Variants in CEP152 observed in about 807,000 individuals in gnomAD.
CEP152 encodes the protein centrosomal protein of 152 kDa.
CEP152 carries 132 observed loss-of-function variants against 188.9 expected under a neutral mutation model. That is an observed-to-expected ratio of 0.70 (90% confidence interval 0.61 to 0.81). The LOEUF is 0.81. Ranked by LOEUF, CEP152 falls within the 30% of genes least tolerant of loss-of-function variation. CEP152 has a pLI of 0.00. For synonymous variants in CEP152, 649 were observed against 666.6 expected, an observed-to-expected ratio of 0.97 and a Z score of 0.41; for missense variants, 1,914 against 1,969.8, an observed-to-expected ratio of 0.97 and a Z score of 0.54.
chr15:48,753,498 C>T (rs1331734828), intron 20 of CEP152, among the ~76,000 whole-genome samples: 4 of 152,138 alleles, frequency 2.6e-5, no homozygotes, highest in Non-Finnish European at 5.9e-5. Flanking sequence ...AATTGACTGT[C>T]AGAAAACCTA....
At chr15:48,787,371 AT>A (rs926001296) in intron 9 of CEP152, among the ~76,000 whole-genome samples, 7 of 151,654 alleles carry the variant, frequency 4.6e-5, no homozygotes, top group African/African-American at 1.7e-4. Flanking sequence ...AGGATTCACT[AT>A]TTTGCCCAGG....
At chr15:48,792,112 C>T (rs1341923738) in intron 7 of CEP152, among the ~76,000 whole-genome samples, 2 of 152,116 alleles carry the variant, frequency 1.3e-5, no homozygotes, top group African/African-American at 4.8e-5. Flanking sequence ...CCTGCCTCAG[C>T]CTCCTGAGTA....
At chr15:48,748,397 G>T in intron 22 of CEP152, 46 bp downstream of exon 22, 1 of 1,485,220 alleles carries the variant, frequency 6.7e-7, no homozygotes, top group Non-Finnish European at 8.9e-7. Context: ...TTTCAACAAG[G>T]ATCAAAGAAA....
chr15:48,744,851 A>G, intron 23 of CEP152, 45 bp downstream of exon 23: 1 of 1,528,376 alleles, frequency 6.5e-7, no homozygotes, highest in Admixed American at 2.0e-5. Flanking sequence ...AGATACTTGT[A>G]CTTAGATTTC....
intron 17 of CEP152, among the ~76,000 whole-genome samples, chr15:48,763,885 C>T (rs1285248364): frequency 6.6e-6 from 1 of 152,070 alleles, no homozygotes; most frequent in Non-Finnish European, 1.5e-5. Context: ...CATGATATGG[C>T]TTATTTGTTA....
chr15:48,788,717 A>G (rs1179264967), intron 9 of CEP152, 84 bp downstream of exon 9: 4 of 1,263,376 alleles, frequency 3.2e-6, no homozygotes, highest in Non-Finnish European at 4.6e-6. Flanking sequence ...CAAGACTTCT[A>G]TATGATGAAC....
chr15:48,810,486 C>T (rs1233402855), intron 1 of CEP152: 1 of 152,264 alleles, frequency 6.6e-6, no homozygotes, highest in Non-Finnish European at 1.5e-5. Context: ...AATGCTAATA[C>T]ACAATAAGCA....
chr15:48,742,969 T>A (rs1893104394), intron 24 of CEP152, among the ~76,000 whole-genome samples: 1 of 152,166 alleles, frequency 6.6e-6, no homozygotes, highest in Non-Finnish European at 1.5e-5. Context: ...GGAGACTGTT[T>A]TTCATTATTT....
chr15:48,798,894 A>G (rs538749084), intron 2 of CEP152, among the ~76,000 whole-genome samples: 12 of 150,708 alleles, frequency 8.0e-5, no homozygotes, highest in African/African-American at 2.9e-4. Flanking sequence ...ACTGTCTGCT[A>G]TTGTCTTTCT....
intron 26 of CEP152, 60 bp downstream of exon 26, chr15:48,741,541 A>G (rs1421369162): frequency 2.5e-6 from 4 of 1,612,820 alleles, no homozygotes; most frequent in Non-Finnish European, 3.4e-6. Flanking sequence ...CATACTGAAA[A>G]TATTAAATAG....
intron 24 of CEP152, among the ~76,000 whole-genome samples, 159 bp downstream of exon 24, chr15:48,744,081 T>A (rs1026251305): frequency 2.6e-5 from 4 of 152,186 alleles, no homozygotes; most frequent in African/African-American, 7.2e-5. Flanking sequence ...AATGACTACA[T>A]AATTTTGAAA....
intron 9 of CEP152, among the ~76,000 whole-genome samples, chr15:48,787,163 GTTTTTTT>G (rs747436177): frequency 9.9e-6 from 1 of 101,500 alleles, no homozygotes; most frequent in Non-Finnish European, 1.9e-5. Flanking sequence ...TATAGCCTTC[GTTTTTTT>G]TTTTTTTTTT....
intron 10 of CEP152, chr15:48,783,290 T>C (rs1896393163): frequency 6.6e-6 from 1 of 152,192 alleles, no homozygotes; most frequent in Admixed American, 6.5e-5. Context: ...AGGAAGCATA[T>C]GTCTCAAACT....
chr15:48,792,224 G>A (rs935818131), intron 7 of CEP152, among the ~76,000 whole-genome samples: 1 of 151,858 alleles, frequency 6.6e-6, no homozygotes, highest in Non-Finnish European at 1.5e-5. Flanking sequence ...TCTCCTGACC[G>A]CGTGACCCGC....
At chr15:48,782,566 A>T (rs949401435) in intron 10 of CEP152, among the ~76,000 whole-genome samples, 1 of 152,198 alleles carries the variant, frequency 6.6e-6, no homozygotes, top group Non-Finnish European at 1.5e-5. Context: ...TAAGTCAAAG[A>T]AAAAATTCTT....
intron 26 of CEP152, among the ~76,000 whole-genome samples, chr15:48,740,088 C>T (rs1892844890): frequency 6.6e-6 from 1 of 152,190 alleles, no homozygotes; most frequent in Non-Finnish European, 1.5e-5. Context: ...TGTTAAAAAT[C>T]TCTCAGTGTG....
chr15:48,736,254 G>C (rs1699404), downstream of CEP152, among the ~76,000 whole-genome samples: 8 of 152,210 alleles, frequency 5.3e-5, no homozygotes, highest in South Asian at 4.1e-4. Flanking sequence ...AATTCTTTCA[G>C]AAAACACAGG....
chr15:48,791,189 A>G (rs765996674), intron 8 of CEP152, 48 bp downstream of exon 8: 2 of 1,544,460 alleles, frequency 1.3e-6, no homozygotes, highest in Non-Finnish European at 1.8e-6. Context: ...GTTTTGTTAA[A>G]TAACTAAACT....
At chr15:48,758,862 A>G (rs533203056) in intron 19 of CEP152, among the ~76,000 whole-genome samples, 3 of 152,286 alleles carry the variant, frequency 2.0e-5, no homozygotes, top group Admixed American at 2.0e-4. Context: ...AGAAGCAACA[A>G]AAACACTTTT....
Sources: gnomAD v4.1 joint callset for allele counts (sites outside exome capture counted in the v4.1 genomes callset) on GRCh38, gnomAD v4.1.1 for gene constraint, MANE v1.5 for transcripts, NCBI Gene and HGNC (gene_info 2026-07-23, HGNC 2026-07-21) for gene names.